FCHSD2: variants seen among roughly 807,000 people sequenced by gnomAD.
FCHSD2 encodes the protein FCH and double SH3 domains 2.
A neutral mutation model predicts 108.1 loss-of-function variants in FCHSD2; 38 were observed. The ratio of observed to expected loss-of-function variants is 0.35; its 90% confidence interval spans 0.27 to 0.46. FCHSD2 has a LOEUF of 0.46. Ranked by LOEUF, FCHSD2 falls within the 20% of genes least tolerant of loss-of-function variation. The pLI, the probability that FCHSD2 is intolerant of heterozygous loss-of-function variation, is 1.00. For missense variants in FCHSD2, 751 were observed against 897.8 expected (o/e 0.84, Z 2.09); for synonymous variants, 279 against 314.7 (o/e 0.89, Z 1.20).
At chr11:72,848,071 A>G (rs1195962279) in intron 14 of FCHSD2, among the ~76,000 whole-genome samples, 1 of 152,200 alleles carries the variant, frequency 6.6e-6, no homozygotes, top group Non-Finnish European at 1.5e-5. Context: ...TATAAGAATT[A>G]TGATTAGGCT....
At chr11:73,014,919 A>G (rs1212276385) in intron 4 of FCHSD2, among the ~76,000 whole-genome samples, 1 of 151,952 alleles carries the variant, frequency 6.6e-6, no homozygotes, top group Non-Finnish European at 1.5e-5. Context: ...TTTCGGCTCA[A>G]TGCAACCTCT....
rs1565412699 is a variant in FCHSD2, at chr11:73,105,396, A to AGT, written c.120-21657_120-21656insAC. On this transcript the variant is annotated intron_variant, in intron 2 of 19. Transcript: ENST00000409418. ...CTACAGTACACCCTCTATATAAGAC[A>AGT]CCACCATGCCCCAGAATCTACCAGG... Among the ~76,000 whole-genome samples, 8 of 152,330 alleles carry AGT rather than the reference A, an allele frequency of 5.3e-5. No individual in the cohort carries two copies. The East Asian group carries it at 1.5e-3, about 29-fold the overall frequency.
chr11:73,010,666 T>C (rs1160898190), intron 4 of FCHSD2, among the ~76,000 whole-genome samples: 4 of 152,108 alleles, frequency 2.6e-5, no homozygotes, highest in Non-Finnish European at 5.9e-5. Context: ...GTGTCAGTGG[T>C]GTTTGTAATT....
chr11:73,054,563 C>T (rs1219651792), intron 3 of FCHSD2, among the ~76,000 whole-genome samples: 1 of 150,446 alleles, frequency 6.6e-6, no homozygotes, highest in African/African-American at 2.5e-5. Context: ...TCTGGAAGAC[C>T]CTAAAGAATC....
chr11:73,112,707 G>A (rs1860515620), intron 2 of FCHSD2, among the ~76,000 whole-genome samples: 1 of 152,180 alleles, frequency 6.6e-6, no homozygotes, highest in Non-Finnish European at 1.5e-5. Context: ...GGAGTGCAGT[G>A]GCATGATCTC....
At chr11:73,061,208 G>C (rs924551429) in intron 3 of FCHSD2, among the ~76,000 whole-genome samples, 2 of 152,162 alleles carry the variant, frequency 1.3e-5, no homozygotes, top group Non-Finnish European at 2.9e-5. Context: ...AAGCACAAAG[G>C]GTCAGGGAAT....
chr11:73,040,630 C>T (rs1370572016), intron 3 of FCHSD2, among the ~76,000 whole-genome samples: 3 of 152,236 alleles, frequency 2.0e-5, no homozygotes, highest in East Asian at 1.9e-4. Context: ...ATTTAAGGGG[C>T]ACACATGATA....
At chr11:73,124,574 G>A (rs1330919151) in intron 2 of FCHSD2, among the ~76,000 whole-genome samples, 1 of 152,010 alleles carries the variant, frequency 6.6e-6, no homozygotes, top group Non-Finnish European at 1.5e-5. Flanking sequence ...TGGCCAACAT[G>A]GTGAAACCCC....
chr11:72,939,872 G>A lies in FCHSD2; in HGVS notation c.706-17922C>T, dbSNP rs557860424. ...GACCTCAAGTGATCTGCCCACCTTG[G>A]CCTCCCAAGTGTTGGGATTACAGGC... On this transcript the variant is annotated intron_variant, in intron 8 of 19. Coordinates refer to ENST00000409418, the MANE Select transcript of FCHSD2 (RefSeq NM_014824.3). 4.6e-5 allele frequency among the ~76,000 whole-genome samples: 7 copies of A among 151,866 alleles called. No homozygotes were observed. In the South Asian group the frequency reaches 1.2e-3, roughly 27 times the overall value.
intron 8 of FCHSD2, among the ~76,000 whole-genome samples, chr11:72,967,004 C>A (rs1057511418): frequency 6.4e-4 from 97 of 151,992 alleles, no homozygotes; most frequent in Non-Finnish European, 7.4e-5. Context: ...TGAGACCATC[C>A]TGGCTAACAC....
At position 73,081,924 on chromosome 11, in the gene FCHSD2, C is replaced by T. The variant is rs539528816; in HGVS notation, c.165+1771G>A. 3.9e-5 allele frequency among the ~76,000 whole-genome samples: 6 copies of T among 152,190 alleles called. No homozygotes were observed. The East Asian group carries it at 9.7e-4, about 25-fold the overall frequency. ...CAGGCATAGAAAAAGCATTCAAGAT[C>T]GGGCGCGGTGACTCACGCCTGTAAT... On this transcript the variant is annotated intron_variant, in intron 3 of 19. Coordinates refer to ENST00000409418, the MANE Select transcript of FCHSD2 (RefSeq NM_014824.3).
intron 9 of FCHSD2, among the ~76,000 whole-genome samples, chr11:72,918,626 GT>G (rs1159149624): frequency 3.3e-5 from 5 of 152,054 alleles, no homozygotes; most frequent in Non-Finnish European, 7.4e-5. Context: ...TGATCATGAA[GT>G]TTTTTCCTTC....
intron 2 of FCHSD2, among the ~76,000 whole-genome samples, chr11:73,129,809 C>T (rs192385945): frequency 1.3e-5 from 2 of 151,930 alleles, no homozygotes; most frequent in African/African-American, 4.8e-5. Flanking sequence ...GGGACCACTG[C>T]TGTAAACTAG....
At position 72,953,073 on chromosome 11, in the gene FCHSD2, T is replaced by C. The variant is rs556088546; in HGVS notation, c.705+31015A>G. 2.5e-4 allele frequency among the ~76,000 whole-genome samples: 38 copies of C among 152,160 alleles called. 1 individual carries two copies. In the South Asian group the frequency reaches 7.7e-3, roughly 31 times the overall value. On this transcript the variant is annotated intron_variant, in intron 8 of 19. Transcript: ENST00000409418. ...TATTTATGAAGTTATTGTGCTCCAA[T>C]AGAAAATAAAATAAACATAGTATTA... is the stretch of plus-strand genomic sequence containing the variant.
intron 2 of FCHSD2, among the ~76,000 whole-genome samples, chr11:73,130,216 C>T (rs1005016511): frequency 5.9e-5 from 9 of 151,822 alleles, no homozygotes; most frequent in Admixed American, 6.6e-5. Context: ...GCTAAAAAGA[C>T]CAGGGGAAGG....
chr11:73,079,354 G>A (rs369497265), intron 3 of FCHSD2, among the ~76,000 whole-genome samples: 3 of 151,838 alleles, frequency 2.0e-5, no homozygotes, highest in Non-Finnish European at 4.4e-5. Flanking sequence ...CCGCCACGAC[G>A]CCTGGCTAAT....
At chr11:72,906,244 T>C (rs976798335) in intron 9 of FCHSD2, among the ~76,000 whole-genome samples, 6 of 152,246 alleles carry the variant, frequency 3.9e-5, no homozygotes, top group African/African-American at 1.2e-4. Context: ...GAAGTGTCTG[T>C]TCATATCCTT....
intron 13 of FCHSD2, 150 bp from the exon 14 acceptor site, chr11:72,850,039 A>ATG: frequency 2.2e-6 from 1 of 453,106 alleles, no homozygotes; most frequent in East Asian, 4.0e-5. Flanking sequence ...TACATTTTTC[A>ATG]TGTTATGAAA....
intron 2 of FCHSD2, among the ~76,000 whole-genome samples, chr11:73,091,904 G>T (rs184115010): frequency 6.6e-6 from 1 of 152,108 alleles, no homozygotes; most frequent in Admixed American, 6.5e-5. Flanking sequence ...AGCTGGTAGC[G>T]TGCACCTGTA....
Sources: allele counts gnomAD v4.1 joint callset (sites outside exome capture counted in the v4.1 genomes callset), GRCh38; gene constraint gnomAD v4.1.1; transcripts MANE v1.5; gene names NCBI Gene and HGNC (gene_info 2026-07-23, HGNC 2026-07-21).